AK5: variants seen among roughly 807,000 people sequenced by gnomAD.
AK5 encodes adenylate kinase isoenzyme 5.
Under a neutral mutation model 69.5 loss-of-function variants are expected in AK5, and 27 were observed. That is an observed-to-expected ratio of 0.39 (90% CI 0.29 to 0.54). The LOEUF is 0.54. AK5 is among the 20% of genes least tolerant of loss of function. AK5 has a pLI of 0.71. For missense variants in AK5, 531 were observed against 700.4 expected (o/e 0.76, Z 2.73); for synonymous variants, 260 against 244.4 (o/e 1.06, Z -0.60).
intron 8 of AK5, among the ~76,000 whole-genome samples, chr1:77,436,696 A>G (rs1651983030): frequency 6.6e-6 from 1 of 151,952 alleles, no homozygotes; most frequent in Admixed American, 6.6e-5. Context: ...ATTAATTTAT[A>G]AATGATTATA....
intron 8 of AK5, among the ~76,000 whole-genome samples, chr1:77,472,337 C>T (rs989175359): frequency 2.6e-4 from 40 of 152,174 alleles, no homozygotes; most frequent in African/African-American, 8.0e-4. Flanking sequence ...TGGATCCAAA[C>T]GTGGCATCTC....
intron 6 of AK5, among the ~76,000 whole-genome samples, chr1:77,389,508 AGAAGATGACTGCAGAAAAAAG>A (rs1648270346): frequency 6.6e-6 from 1 of 152,208 alleles, no homozygotes; most frequent in Non-Finnish European, 1.5e-5. Context: ...AGTGAGGAGG[AGAAGATGACTGCAGAAAAAAG>A]GAAGATGGAG....
At chr1:77,416,218 A>G (rs115271119) in intron 7 of AK5, among the ~76,000 whole-genome samples, 107 of 152,276 alleles carry the variant, frequency 7.0e-4, no homozygotes, top group African/African-American at 2.4e-3. Flanking sequence ...TAATCCCACT[A>G]ATGTTAAAAT....
intron 1 of AK5, among the ~76,000 whole-genome samples, chr1:77,284,804 T>C (rs1011487167): frequency 1.3e-5 from 2 of 152,306 alleles, no homozygotes; most frequent in African/African-American, 4.8e-5. Context: ...AAGAAAAGAT[T>C]TGAATTATCC....
intron 6 of AK5, among the ~76,000 whole-genome samples, chr1:77,394,679 A>G (rs1648717312): frequency 6.6e-6 from 1 of 152,190 alleles, no homozygotes; most frequent in Non-Finnish European, 1.5e-5. Context: ...CCACACAGTA[A>G]TGTCACTTTC....
intron 13 of AK5, among the ~76,000 whole-genome samples, chr1:77,550,467 G>T (rs561750657): frequency 6.6e-6 from 1 of 152,150 alleles, no homozygotes; most frequent in East Asian, 1.9e-4. Context: ...ATTGCAGGAC[G>T]TATTACTTTT....
chr1:77,528,568 T>C (rs1658410816), intron 12 of AK5, among the ~76,000 whole-genome samples: 1 of 152,232 alleles, frequency 6.6e-6, no homozygotes, highest in Non-Finnish European at 1.5e-5. Context: ...GGTAAGTCTA[T>C]GTGTGGTTTC....
At chr1:77,392,558 C>G (rs1648555353) in intron 6 of AK5, among the ~76,000 whole-genome samples, 2 of 152,100 alleles carry the variant, frequency 1.3e-5, no homozygotes. Flanking sequence ...AAGAGAGAAC[C>G]TATATTGGTT....
chr1:77,365,309 G>A (rs984806916), intron 6 of AK5, among the ~76,000 whole-genome samples: 3 of 152,172 alleles, frequency 2.0e-5, no homozygotes, highest in Non-Finnish European at 2.9e-5. Flanking sequence ...CTCCCATTCT[G>A]TAGGTTGTCT....
intron 13 of AK5, among the ~76,000 whole-genome samples, chr1:77,536,740 T>C (rs1557661548): frequency 6.6e-6 from 1 of 152,214 alleles, no homozygotes; most frequent in Non-Finnish European, 1.5e-5. Flanking sequence ...TTCAATGACT[T>C]TGAATTTCTA....
chr1:77,542,730 T>C (rs914930124), intron 13 of AK5, among the ~76,000 whole-genome samples: 2 of 152,242 alleles, frequency 1.3e-5, no homozygotes, highest in African/African-American at 2.4e-5. Flanking sequence ...TTGAGAATTA[T>C]TCCACCCAAA....
intron 10 of AK5, among the ~76,000 whole-genome samples, chr1:77,517,952 C>A (rs1657762752): frequency 6.6e-6 from 1 of 152,112 alleles, no homozygotes; most frequent in Non-Finnish European, 1.5e-5. Context: ...TGCTTGTTTC[C>A]TTGTTTGTAG....
chr1:77,312,802 GT>G (rs1341018201), intron 5 of AK5, among the ~76,000 whole-genome samples: 1 of 151,838 alleles, frequency 6.6e-6, no homozygotes, highest in Non-Finnish European at 1.5e-5. Context: ...TTTTCTTCCA[GT>G]TTTTCCCTCT....
intron 6 of AK5, among the ~76,000 whole-genome samples, chr1:77,363,538 C>T (rs1321034734): frequency 6.6e-6 from 1 of 152,160 alleles, no homozygotes; most frequent in Admixed American, 6.5e-5. Context: ...GAATTAAATC[C>T]AAAGTCATTC....
rs367816617 is a variant in AK5, at chr1:77,484,356, T to G, written c.1102+997T>G. On this transcript the variant is annotated intron_variant, in intron 9 of 13. Coordinates refer to ENST00000354567, the MANE Select transcript of AK5 (RefSeq NM_174858.3). ...ATAATATAAGTCATGGAAATATGTTTATAGTATTGATTCTAAACACATATA... is the reference window on the plus strand; with the variant it reads ...ATAATATAAGTCATGGAAATATGTTGATAGTATTGATTCTAAACACATATA... Among the ~76,000 whole-genome samples, 12 of 152,192 alleles carry G rather than the reference T, an allele frequency of 7.9e-5. 1 individual carries two copies. The East Asian group carries it at 1.7e-3, about 22-fold the overall frequency.
intron 8 of AK5, among the ~76,000 whole-genome samples, chr1:77,431,567 G>C (rs1394318889): frequency 6.6e-6 from 1 of 152,138 alleles, no homozygotes; most frequent in South Asian, 2.1e-4. Flanking sequence ...AGAACAATTA[G>C]GAGCCAACGC....
At chr1:77,509,574 T>C (rs1430623714) in intron 10 of AK5, among the ~76,000 whole-genome samples, 1 of 152,174 alleles carries the variant, frequency 6.6e-6, no homozygotes, top group Non-Finnish European at 1.5e-5. Flanking sequence ...CACAAAAACC[T>C]TAACCCAACA....
chr1:77,493,800 C>G (rs370723206), intron 10 of AK5, among the ~76,000 whole-genome samples: 209 of 152,316 alleles, frequency 1.4e-3, no homozygotes, highest in African/African-American at 4.9e-3. Context: ...TTCCAAGAGA[C>G]CCTCAAATGC....
At chr1:77,429,828 A>G (rs1015389624) in intron 8 of AK5, among the ~76,000 whole-genome samples, 7 of 152,200 alleles carry the variant, frequency 4.6e-5, no homozygotes, top group Admixed American at 4.6e-4. Context: ...AGAACAGGAA[A>G]GAACTGGGGA....
Sources: gnomAD v4.1 joint callset for allele counts (sites outside exome capture counted in the v4.1 genomes callset) on GRCh38, gnomAD v4.1.1 for gene constraint, MANE v1.5 for transcripts, NCBI Gene and HGNC (gene_info 2026-07-23, HGNC 2026-07-21) for gene names.